Variants in TINCR observed in about 807,000 individuals in gnomAD.
The protein encoded by TINCR is TINCR-encoded ubiquitin-like protein.
chr19:5,567,313 CAA>C (rs946567310), intron 1 of TINCR, among the ~76,000 whole-genome samples: 27 of 149,878 alleles, frequency 1.8e-4, no homozygotes, highest in African/African-American at 6.6e-4. Flanking sequence ...GAGTCAGAGA[CAA>C]GAGACAGAAA....
intron 1 of TINCR, 85 bp downstream of exon 1, chr19:5,567,580 G>T: frequency 2.7e-6 from 1 of 375,608 alleles, no homozygotes; most frequent in Non-Finnish European, 4.7e-6. Context: ...CCGGGAGGCC[G>T]CCTTGGGCGC....
downstream of TINCR, chr19:5,561,098 G>A (rs1411832758): frequency 6.5e-6 from 1 of 154,154 alleles, no homozygotes; most frequent in Non-Finnish European, 1.5e-5. Context: ...GTGCCTCTGA[G>A]TGTCTCTCCT....
chr19:5,564,653 A>T (rs2052119005), intron 1 of TINCR, among the ~76,000 whole-genome samples: 1 of 152,188 alleles, frequency 6.6e-6, no homozygotes, highest in African/African-American at 2.4e-5. Context: ...ATCTCAGCTC[A>T]CTGCAACCTC....
intron 1 of TINCR, among the ~76,000 whole-genome samples, chr19:5,566,675 GAC>G (rs922807916): frequency 1.5e-4 from 23 of 151,038 alleles, no homozygotes; most frequent in African/African-American, 4.9e-4. Flanking sequence ...CACATACACA[GAC>G]ACAGAGAAAA....
At chr19:5,560,767 T>A (rs2052097460), downstream of TINCR, 1 of 152,234 alleles carries the variant, frequency 6.6e-6, no homozygotes, top group Admixed American at 6.5e-5. This position sits in a 1 kb window ranked among gnomAD's most constrained non-coding sequence, Gnocchi z 4.5. Context: ...TGGGGAGGTA[T>A]TTGGGGGTGG....
chr19:5,563,656 T>A lies in TINCR; in HGVS notation c.261-707A>T, dbSNP rs1436191013. 6.6e-6 allele frequency among the ~76,000 whole-genome samples: 1 copy of A among 152,048 alleles called. No homozygotes were observed. The highest frequency in any genetic ancestry group is 1.5e-5 in the Non-Finnish European group (1 of 68,002). On this transcript the variant is annotated intron_variant, in intron 1 of 1. Coordinates refer to ENST00000646160, the Ensembl canonical transcript of TINCR. This position sits in a 1 kb window ranked among gnomAD's most constrained non-coding sequence, Gnocchi z 4.7. ...CCGGCCAGGCACGGTGGCTCACGCG[T>A]GTAATCCCAGCACTTTGGGAGGCTG...
At chr19:5,558,408 T>C (rs911907929), downstream of TINCR, 2 of 152,206 alleles carry the variant, frequency 1.3e-5, no homozygotes, top group African/African-American at 4.8e-5. Flanking sequence ...TAGCAGGTAT[T>C]GAAGCTAGGG....
chr19:5,567,600 C>A, intron 1 of TINCR, 65 bp downstream of exon 1: 1 of 373,502 alleles, frequency 2.7e-6, no homozygotes, highest in South Asian at 1.3e-4. Flanking sequence ...CCCGCCTCCC[C>A]CGCCGCTCTC....
chr19:5,564,797 C>T (rs546373291), intron 1 of TINCR, among the ~76,000 whole-genome samples: 11 of 152,318 alleles, frequency 7.2e-5, no homozygotes, highest in African/African-American at 2.2e-4. Context: ...AGGCTGGTCT[C>T]GAACTCTTGA....
Position 5,565,014 on chromosome 19 carries a change from T to C in TINCR, c.261-2065A>G, listed in dbSNP as rs144595015. ...TGCAGCCAGGGGTTGCCTGTGAGCA[T>C]TGAGTCAGGTCCCGTCCCTCCTCTG... On this transcript the variant is annotated intron_variant, in intron 1 of 1. Coordinates refer to ENST00000646160, the Ensembl canonical transcript of TINCR. The surrounding 1 kb of genome is among the most constrained non-coding windows in gnomAD (Gnocchi z 4.0). 8.1e-3 allele frequency among the ~76,000 whole-genome samples: 1,239 copies of C among 152,164 alleles called. 16 individuals carry two copies. Among genetic ancestry groups the C allele is most frequent in the African/African-American group, 0.029 (1,186 of 41,512 alleles).
In TINCR at chr19:5,565,487, T is replaced by G. The variant is rs576531770; in HGVS notation, c.260+2178A>C. 3.3e-5 allele frequency among the ~76,000 whole-genome samples: 5 copies of G among 152,080 alleles called. No homozygotes were observed. In the South Asian group the frequency reaches 1.0e-3, roughly 32 times the overall value. ...CTGAATTTCAGTGTCCAGCATGGAGTCTGGCACACAGTAGGCACACAATAA... is the reference window on the plus strand; with the variant it reads ...CTGAATTTCAGTGTCCAGCATGGAGGCTGGCACACAGTAGGCACACAATAA... On this transcript the variant is annotated intron_variant, in intron 1 of 1. Coordinates refer to ENST00000646160, the Ensembl canonical transcript of TINCR. This position sits in a 1 kb window ranked among gnomAD's most constrained non-coding sequence, Gnocchi z 4.0.
At chr19:5,560,065 C>A (rs543406817), downstream of TINCR, 4 of 152,132 alleles carry the variant, frequency 2.6e-5, no homozygotes, top group Non-Finnish European at 4.4e-5. This position sits in a 1 kb window ranked among gnomAD's most constrained non-coding sequence, Gnocchi z 4.5. Context: ...CCAGGCACAC[C>A]CAGGGGCCAG....
At position 5,563,583 on chromosome 19, in the gene TINCR, T is replaced by G. The variant is rs546788157; in HGVS notation, c.261-634A>C. Among the ~76,000 whole-genome samples, 15 of 152,240 alleles carry G rather than the reference T, an allele frequency of 9.9e-5. No homozygotes were observed. The highest frequency in any genetic ancestry group is 9.8e-4 in the Admixed American group (15 of 15,282). On this transcript the variant is annotated intron_variant, in intron 1 of 1. Coordinates refer to ENST00000646160, the Ensembl canonical transcript of TINCR. The surrounding 1 kb of genome is among the most constrained non-coding windows in gnomAD (Gnocchi z 4.7). ...GCTCTGCCCCTTCCCAGCTTAATCTTACTCTGCCTCAGCTTCTCCACCTGT... is the reference window on the plus strand; with the variant it reads ...GCTCTGCCCCTTCCCAGCTTAATCTGACTCTGCCTCAGCTTCTCCACCTGT...
downstream of TINCR, among the ~76,000 whole-genome samples, chr19:5,562,481 G>A (rs1000546238): frequency 6.6e-6 from 1 of 152,154 alleles, no homozygotes; most frequent in Non-Finnish European, 1.5e-5. The surrounding 1 kb of genome is among the most constrained non-coding windows in gnomAD (Gnocchi z 4.4). Context: ...CCTACTATGT[G>A]CCAGGCACTG....
downstream of TINCR, chr19:5,559,489 C>G (rs1383515677): frequency 6.6e-6 from 1 of 152,350 alleles, no homozygotes; most frequent in Admixed American, 6.5e-5. Flanking sequence ...CGCCCGCCAC[C>G]AGGCCCGGCT....
chr19:5,559,102 A>G (rs1467368842), downstream of TINCR: 1 of 152,146 alleles, frequency 6.6e-6, no homozygotes, highest in African/African-American at 2.4e-5. Flanking sequence ...GGTGATTTGC[A>G]TGCGATTTGC....
In TINCR at chr19:5,565,309, C is replaced by T. The variant is rs2052122736; in HGVS notation, c.260+2356G>A. ...CCACCTCCTCCACATCATAGCCTGA[C>T]ATGTCACCTTTCCGGAGAGGCGTCC... On this transcript the variant is annotated intron_variant, in intron 1 of 1. Coordinates refer to ENST00000646160, the Ensembl canonical transcript of TINCR. This position sits in a 1 kb window ranked among gnomAD's most constrained non-coding sequence, Gnocchi z 4.0. 1.3e-5 allele frequency among the ~76,000 whole-genome samples: 2 copies of T among 152,196 alleles called. No homozygotes were observed. The highest frequency in any genetic ancestry group is 4.8e-5 in the African/African-American group (2 of 41,456).
In TINCR at chr19:5,562,903, C is replaced by T. The variant is rs1231799559; in HGVS notation, c.307G>A (p.Glu103Lys). 1 of 152,336 alleles carries T rather than the reference C, an allele frequency of 6.6e-6. No individual in the cohort carries two copies. The highest frequency in any genetic ancestry group is 1.5e-5 in the Non-Finnish European group (1 of 68,178). The allele number at this position is 152,336 out of a possible 1,614,324, so 9.4% of individuals were successfully genotyped here. The change falls in exon 2 of 2, where the codon GAG becomes AAG. Residue 103 changes from glutamate to lysine, a missense_variant. Coordinates refer to ENST00000646160, the Ensembl canonical transcript of TINCR. The surrounding 1 kb of genome is among the most constrained non-coding windows in gnomAD (Gnocchi z 4.4). ...CTGGACTCAAGTGATCTGCTTGCCT[C>T]AGCCTCCCAAAGTGCTGGGATTGCG...
At chr19:5,567,784 C>T (rs2052139588) in exon 1 of TINCR, 1 of 394,546 alleles carries the variant, frequency 2.5e-6, no homozygotes, top group African/African-American at 2.1e-5. Context: ...AGCTCACGCC[C>T]TGGCCCACCA....
Sources: gnomAD v4.1 joint callset for allele counts (sites outside exome capture counted in the v4.1 genomes callset) on GRCh38, gnomAD v4.1.1 for gene constraint, Gnocchi (gnomAD v3.1) non-coding constraint, MANE v1.5 for transcripts, NCBI Gene and HGNC (gene_info 2026-07-23, HGNC 2026-07-21) for gene names.